MAPKAP1: variants seen among roughly 807,000 people sequenced by gnomAD.
The protein encoded by MAPKAP1 is MAPK associated protein 1.
MAPKAP1 carries 20 observed loss-of-function variants against 65.7 expected under a neutral mutation model. That is an observed-to-expected ratio of 0.30 (90% CI 0.21 to 0.44). The LOEUF (loss-of-function observed/expected upper bound fraction) is 0.44. MAPKAP1 is among the 20% of genes least tolerant of loss of function. The pLI is 1.00. For synonymous variants in MAPKAP1, 222 were observed against 244.3 expected (o/e 0.91, Z 0.85); for missense variants, 423 against 648.0 (o/e 0.65, Z 3.77).
intron 1 of MAPKAP1, among the ~76,000 whole-genome samples, chr9:125,684,715 CCCCT>C (rs1210425225): frequency 2.6e-5 from 4 of 152,168 alleles, no homozygotes; most frequent in Non-Finnish European, 4.4e-5. Context: ...CACCCTTCTT[CCCCT>C]GACTACCTCC....
At chr9:125,673,937 G>C (rs544779990) in intron 1 of MAPKAP1, among the ~76,000 whole-genome samples, 1 of 124,426 alleles carries the variant, frequency 8.0e-6, no homozygotes, top group South Asian at 3.1e-4. Context: ...GTGAGACCCT[G>C]TCTTCTAAAA....
intron 8 of MAPKAP1, among the ~76,000 whole-genome samples, chr9:125,485,484 C>T (rs185788826): frequency 1.4e-3 from 215 of 152,354 alleles, no homozygotes; most frequent in African/African-American, 4.6e-3. Context: ...GCCAGGCAAT[C>T]GGGGCAGCCC....
intron 7 of MAPKAP1, among the ~76,000 whole-genome samples, chr9:125,511,169 AT>A (rs1829289546): frequency 7.4e-6 from 1 of 135,724 alleles, no homozygotes; most frequent in Admixed American, 6.9e-5. Flanking sequence ...CATCACCATC[AT>A]CATCATCATC....
intron 4 of MAPKAP1, among the ~76,000 whole-genome samples, chr9:125,625,261 A>T (rs1418098541): frequency 2.1e-4 from 28 of 135,826 alleles, no homozygotes; most frequent in African/African-American, 4.4e-4. Flanking sequence ...TAAATAAAAA[A>T]AAAAAAAAAA....
intron 5 of MAPKAP1, among the ~76,000 whole-genome samples, chr9:125,580,063 T>C (rs531049090): frequency 3.9e-5 from 6 of 152,312 alleles, no homozygotes; most frequent in South Asian, 2.1e-4. Flanking sequence ...TATGGAGAAA[T>C]AGAAATGCTT....
At chr9:125,644,958 C>T (rs1301661885) in intron 4 of MAPKAP1, among the ~76,000 whole-genome samples, 2 of 152,098 alleles carry the variant, frequency 1.3e-5, no homozygotes, top group Non-Finnish European at 2.9e-5. Flanking sequence ...TTAGACATAG[C>T]GCAATCATCA....
At chr9:125,532,038 G>C (rs1248523897) in intron 7 of MAPKAP1, among the ~76,000 whole-genome samples, 1 of 152,056 alleles carries the variant, frequency 6.6e-6, no homozygotes, top group Non-Finnish European at 1.5e-5. Flanking sequence ...CAGATGATTA[G>C]CTTTACTCCA....
intron 4 of MAPKAP1, among the ~76,000 whole-genome samples, chr9:125,653,347 T>C (rs1833945026): frequency 6.6e-6 from 1 of 152,202 alleles, no homozygotes; most frequent in Admixed American, 6.5e-5. Context: ...GTTTTTATAT[T>C]AAGTTTGACG....
rs559227539 is a variant in MAPKAP1, at chr9:125,672,402, T to C, written c.173A>G (p.Asn58Ser). Residue 58 changes from asparagine to serine, a missense_variant, in exon 2 of 12, where the codon AAT (asparagine) becomes AGT (serine). Asn to Ser is a conservative substitution (Grantham distance 46). Coordinates refer to ENST00000265960, the MANE Select transcript of MAPKAP1 (RefSeq NM_001006617.3). ...ATATACATAGCCCTGAGTCTCACCA[T>C]TGCTTCCCTGAATTTCTGACCCACT... The part of the protein sequence containing the change: ...GDSGSEIQGS[N>S]GETQGYVYAQ... 9.3e-6 allele frequency: 15 copies of C among 1,614,178 alleles called. No individual in the cohort carries two copies. The highest frequency in any genetic ancestry group is 2.2e-5 in the East Asian group (1 of 44,878).
chr9:125,696,573 G>A (rs1456552380), intron 1 of MAPKAP1, among the ~76,000 whole-genome samples: 1 of 151,552 alleles, frequency 6.6e-6, no homozygotes, highest in African/African-American at 2.4e-5. Context: ...TGCAAACATA[G>A]GCAAAACTTG....
intron 8 of MAPKAP1, among the ~76,000 whole-genome samples, chr9:125,497,115 A>AG (rs1491134010): frequency 6.6e-6 from 1 of 152,146 alleles, no homozygotes; most frequent in African/African-American, 2.4e-5. Context: ...CTGGGGCCTC[A>AG]GGGGGAAAAT....
chr9:125,693,413 T>G (rs1239860484), intron 1 of MAPKAP1, among the ~76,000 whole-genome samples: 3 of 91,456 alleles, frequency 3.3e-5, no homozygotes, highest in African/African-American at 1.6e-4. Flanking sequence ...AAATTCCGCC[T>G]CAAAAAAAAA....
chr9:125,530,168 G>C (rs951446608), intron 7 of MAPKAP1, among the ~76,000 whole-genome samples: 1 of 152,152 alleles, frequency 6.6e-6, no homozygotes, highest in Non-Finnish European at 1.5e-5. Flanking sequence ...TTCATAGAAA[G>C]TAGCTAAAAT....
At chr9:125,603,231 A>G (rs1458720837) in intron 4 of MAPKAP1, among the ~76,000 whole-genome samples, 3 of 152,146 alleles carry the variant, frequency 2.0e-5, no homozygotes, top group Non-Finnish European at 4.4e-5. Context: ...AGTTTCAAGA[A>G]GCAGTGGTCA....
At chr9:125,636,072 A>C (rs941728706) in intron 4 of MAPKAP1, among the ~76,000 whole-genome samples, 13 of 152,314 alleles carry the variant, frequency 8.5e-5, no homozygotes, top group African/African-American at 3.1e-4. Context: ...CTTCTCCTAA[A>C]GGACACACGG....
At chr9:125,541,282 A>T (rs1297736446) in intron 7 of MAPKAP1, among the ~76,000 whole-genome samples, 1 of 152,194 alleles carries the variant, frequency 6.6e-6, no homozygotes, top group Non-Finnish European at 1.5e-5. Flanking sequence ...TTGGACAGAG[A>T]CGACGGGAGA....
intron 8 of MAPKAP1, among the ~76,000 whole-genome samples, chr9:125,504,765 C>A (rs1370991835): frequency 6.6e-6 from 1 of 152,132 alleles, no homozygotes; most frequent in African/African-American, 2.4e-5. Flanking sequence ...CGAACTCCAG[C>A]CTGGGTGACA....
chr9:125,604,065 G>A (rs1475045088), intron 4 of MAPKAP1, among the ~76,000 whole-genome samples: 1 of 152,052 alleles, frequency 6.6e-6, no homozygotes, highest in Non-Finnish European at 1.5e-5. Flanking sequence ...TCCCTAAAAG[G>A]CTCTGATAGA....
intron 4 of MAPKAP1, among the ~76,000 whole-genome samples, chr9:125,610,953 G>A (rs1325000686): frequency 6.6e-6 from 1 of 152,138 alleles, no homozygotes; most frequent in African/African-American, 2.4e-5. Flanking sequence ...CAGAAAGACT[G>A]GAGTTAACAG....
Sources: allele counts gnomAD v4.1 joint callset (sites outside exome capture counted in the v4.1 genomes callset), GRCh38; gene constraint gnomAD v4.1.1; transcripts MANE v1.5; gene names NCBI Gene and HGNC (gene_info 2026-07-23, HGNC 2026-07-21).